The following GAA variants were observed in gnomAD, a reference collection of about 807,000 sequenced individuals.
GAA encodes lysosomal alpha-glucosidase.
Under a neutral mutation model 103.9 loss-of-function variants are expected in GAA, and 88 were observed. That is an observed-to-expected ratio of 0.85 (90% confidence interval 0.71 to 1.01). The LOEUF (loss-of-function observed/expected upper bound fraction) is 1.01. Among genes scored for constraint, GAA ranks in the 50% least tolerant of loss-of-function variants. The pLI is 0.00. For missense variants in GAA, 1,350 were observed against 1,305.3 expected (o/e 1.03, Z -0.53); for synonymous variants, 572 against 563.1 (o/e 1.02, Z -0.22).
intron 18 of GAA, 115 bp from the exon 19 acceptor site, chr17:80,118,538 G>A: frequency 4.2e-6 from 6 of 1,427,768 alleles, no homozygotes; most frequent in Non-Finnish European, 5.9e-6. Flanking sequence ...GTACACAGAG[G>A]GAGGTCACCT....
chr17:80,111,144 G>C, intron 11 of GAA, 119 bp downstream of exon 11: 1 of 917,052 alleles, frequency 1.1e-6, no homozygotes, highest in Non-Finnish European at 1.7e-6. Context: ...GAAAGGGGCG[G>C]GGGGGGGATC....
In GAA at chr17:80,105,732, AC is replaced by A; in HGVS notation, c.547-12del. 1.9e-6 allele frequency: 3 copies of A among 1,610,714 alleles called. No homozygotes were observed. Among genetic ancestry groups the A allele is most frequent in the Non-Finnish European group, 1.7e-6 (2 of 1,179,706 alleles). The stretch of plus-strand genomic sequence containing the variant: ...AGGTGGCTGTGGGGAACATCAATAA[AC>A]CCCCATCTCTTCTAGATCAAAGATC... On this transcript the variant is annotated splice_polypyrimidine_tract_variant and intron_variant, in intron 2 of 19. Transcript: ENST00000302262.
chr17:80,114,088 AG>A (rs1245909867), intron 15 of GAA, among the ~76,000 whole-genome samples: 12 of 144,458 alleles, frequency 8.3e-5, no homozygotes, highest in South Asian at 6.8e-4. Context: ...TTTCATTTAG[AG>A]AAAAAAAAAA....
intron 10 of GAA, 25 bp downstream of exon 10, chr17:80,110,865 T>C (rs771504246): frequency 3.4e-5 from 55 of 1,613,350 alleles, no homozygotes; most frequent in Non-Finnish European, 4.2e-5. Context: ...CTCCTGAGCA[T>C]CCCCAAGGCC....
At chr17:80,107,478 C>G (rs2039112943) in intron 3 of GAA, 79 bp from the exon 4 acceptor site, 1 of 1,591,118 alleles carries the variant, frequency 6.3e-7, no homozygotes, top group African/African-American at 1.3e-5. Flanking sequence ...GCACCAGGGC[C>G]CGGGGGTGCT....
In GAA at chr17:80,104,420, C is replaced by T; in HGVS notation, c.-32-135C>T. 2 of 642,632 alleles carry T rather than the reference C, an allele frequency of 3.1e-6. No individual in the cohort carries two copies. The highest frequency in any genetic ancestry group is 5.3e-6 in the Non-Finnish European group (2 of 374,068). 39.8% of individuals were successfully genotyped at this position (642,632 alleles called of 1,614,324 possible). A position where few individuals can be genotyped will look rare whatever the true frequency, so the allele number is the denominator to read the frequency against. ...CCCCAGTCTAGACAGCAGGGCAACA[C>T]CCACCCTGGCCACCTTACCCCACCT... On this transcript the variant is annotated intron_variant, in intron 1 of 19. Coordinates refer to ENST00000302262, the MANE Select transcript of GAA (RefSeq NM_000152.5). The surrounding 1 kb of genome is among the most constrained non-coding windows in gnomAD (Gnocchi z 4.0).
At position 80,110,951 on chromosome 17, in the gene GAA, A is replaced by T. The variant is rs1455277014; in HGVS notation, c.1562A>T (p.Glu521Val). ...PFDGMWIDMN[E>V]PSNFIRGSED... ...GCGCTTCTCTTGCAGGACATGAACG[A>T]GCCTTCCAACTTCATCAGGGGCTCT... Residue 521 changes from glutamate (E) to valine (V), a missense_variant, in exon 11 of 20, where the codon GAG becomes GTG. Coordinates refer to ENST00000302262, the MANE Select transcript of GAA (RefSeq NM_000152.5). 1 of 1,613,950 alleles carries T rather than the reference A, an allele frequency of 6.2e-7. No individual in the cohort carries two copies. Among genetic ancestry groups the T allele is most frequent in the East Asian group, 2.2e-5 (1 of 44,878 alleles).
intron 9 of GAA, among the ~76,000 whole-genome samples, chr17:80,110,345 C>T (rs759608239): frequency 5.3e-5 from 8 of 152,184 alleles, no homozygotes; most frequent in Non-Finnish European, 8.8e-5. Flanking sequence ...CCCAGCCCCC[C>T]AGGGGCCTCC....
At position 80,107,547 on chromosome 17, in the gene GAA, T is replaced by C. The variant is rs2143845612; in HGVS notation, c.693-10T>C. 1 of 1,612,966 alleles carries C rather than the reference T, an allele frequency of 6.2e-7. No homozygotes were observed. Among genetic ancestry groups the C allele is most frequent in the Non-Finnish European group, 8.5e-7 (1 of 1,179,868 alleles). ...GGTGTGAGCAAGCCTGGCTGGCCTC[T>C]GTCCCGCAGGCTGAACACGACGGTG... On this transcript the variant is annotated splice_polypyrimidine_tract_variant and intron_variant, in intron 3 of 19. Coordinates refer to ENST00000302262, the MANE Select transcript of GAA (RefSeq NM_000152.5).
At chr17:80,118,501 G>C in intron 18 of GAA, 144 bp downstream of exon 18, 1 of 1,379,492 alleles carries the variant, frequency 7.2e-7, no homozygotes, top group East Asian at 2.3e-5. Context: ...AGAGTGAGCA[G>C]TGGGGCCGTG....
At position 80,107,591 on chromosome 17, in the gene GAA, G is replaced by A. The variant is rs1555599600; in HGVS notation, c.727G>A (p.Asp243Asn). ...NTTVAPLFFA[D>N]QFLQLSTSLP... The stretch of plus-strand genomic sequence containing the variant: ...GACGGTGGCGCCCCTGTTCTTTGCG[G>A]ACCAGTTCCTTCAGCTGTCCACCTC... Residue 243 changes from aspartate to asparagine, a missense_variant, in exon 4 of 20, where the codon GAC (aspartate) becomes AAC (asparagine). Physicochemically the swap from Asp to Asn is conservative, Grantham distance 23. Coordinates refer to ENST00000302262, the MANE Select transcript of GAA (RefSeq NM_000152.5). The A allele has an allele frequency of 6.2e-7, 1 of 1,613,224 alleles. No individual in the cohort carries two copies.
At chr17:80,101,924 CG>C (rs990389167) in intron 1 of GAA, 34 bp downstream of exon 1, 4 of 152,262 alleles carry the variant, frequency 2.6e-5, no homozygotes, top group African/African-American at 9.6e-5. Flanking sequence ...GCGCTGCCGG[CG>C]GTAACATCCC....
chr17:80,108,876 C>T, intron 8 of GAA, 48 bp downstream of exon 8: 4 of 1,545,378 alleles, frequency 2.6e-6, no homozygotes, highest in Non-Finnish European at 3.5e-6. Context: ...CCGCCCGGTG[C>T]CCAGTGGCTC....
rs1428735185 is a variant in GAA, at chr17:80,112,201, A to G, written c.1754+101A>G. ...CAGGGAGGAGGAAAAGCGGAGGCCC[A>G]GACCACCCGGGGCCCGCTGGCGGCC... is the stretch of plus-strand genomic sequence containing the variant. On this transcript the variant is annotated intron_variant, in intron 12 of 19. Coordinates refer to ENST00000302262, the MANE Select transcript of GAA (RefSeq NM_000152.5). 6 of 1,235,506 alleles carry G rather than the reference A, an allele frequency of 4.9e-6. No individual in the cohort carries two copies. In the Admixed American group the frequency reaches 1.0e-4, roughly 21 times the overall value. 76.5% of individuals were successfully genotyped at this position (1,235,506 alleles called of 1,614,324 possible).
chr17:80,105,184 C>T (rs1472270031), intron 2 of GAA, 52 bp downstream of exon 2: 11 of 1,515,564 alleles, frequency 7.3e-6, no homozygotes, highest in Non-Finnish European at 8.0e-6. Flanking sequence ...TGCGCGTGGA[C>T]ATCGACACCC....
At chr17:80,113,462 C>A in intron 15 of GAA, 96 bp downstream of exon 15, 1 of 1,179,828 alleles carries the variant, frequency 8.5e-7, no homozygotes, top group Non-Finnish European at 1.2e-6. Flanking sequence ...CTGTGTTCCC[C>A]AGGACCCAGC....
Position 80,108,410 on chromosome 17 carries a change from G to T in GAA, c.1075+1G>T, listed in dbSNP as rs2039146031. Reference sequence around the variant, plus strand: ...GTGCAGCAGTACCTGGACGTTGTGGGTAGGGCCTGCTCCCTGGCCGCGGCC... The same window carrying T: ...GTGCAGCAGTACCTGGACGTTGTGGTTAGGGCCTGCTCCCTGGCCGCGGCC... On this transcript the variant is annotated splice_donor_variant, in intron 6 of 19. Transcript: ENST00000302262. LOFTEE classifies it high-confidence loss of function. 1 of 1,613,340 alleles carries T rather than the reference G, an allele frequency of 6.2e-7. No individual in the cohort carries two copies. The highest frequency in any genetic ancestry group is 8.5e-7 in the Non-Finnish European group (1 of 1,180,028).
In GAA at chr17:80,107,719, C is replaced by A. The variant is rs754080080; in HGVS notation, c.855C>A (p.Pro285=). The A allele has an allele frequency of 6.4e-5, 102 of 1,593,770 alleles. No individual in the cohort carries two copies. The highest frequency in any genetic ancestry group is 8.4e-5 in the Non-Finnish European group (98 of 1,171,850). ...RITLWNRDLA[P]TPGANLYGSH... Reference sequence around the variant, plus strand: ...CCCTGTGGAACCGGGACCTTGCGCCCACGGTACAGCGGCGGGCGGCGGGCG... The same window carrying A: ...CCCTGTGGAACCGGGACCTTGCGCCAACGGTACAGCGGCGGGCGGCGGGCG... The change falls in exon 4 of 20, where the codon CCC becomes CCA. Residue 285 remains proline (P), a synonymous_variant. Coordinates refer to ENST00000302262, the MANE Select transcript of GAA (RefSeq NM_000152.5).
rs1358706618 is a variant in GAA at position 80,107,780 on chromosome 17, C to T, written c.859-20C>T. 6.2e-7 allele frequency: 1 copy of T among 1,609,844 alleles called. No homozygotes were observed. The highest frequency in any genetic ancestry group is 8.5e-7 in the Non-Finnish European group (1 of 1,178,452). On this transcript the variant is annotated intron_variant, in intron 4 of 19. Transcript: ENST00000302262. ...GCTGGGGAGCGCAGGTGCTGAAGCGCCGTCTCCTGCATGTCCCAGCCCGGT... is the reference window on the plus strand; with the variant it reads ...GCTGGGGAGCGCAGGTGCTGAAGCGTCGTCTCCTGCATGTCCCAGCCCGGT...
Sources: allele counts gnomAD v4.1 joint callset (sites outside exome capture counted in the v4.1 genomes callset), GRCh38; gene constraint gnomAD v4.1.1; non-coding constraint Gnocchi (gnomAD v3.1); transcripts MANE v1.5; gene names NCBI Gene and HGNC (gene_info 2026-07-23, HGNC 2026-07-21).